The following MSRA variants were observed in gnomAD, a reference collection of about 807,000 sequenced individuals.
MSRA encodes the protein mitochondrial peptide methionine sulfoxide reductase.
In MSRA, 54 loss-of-function variants were observed where a neutral mutation model predicts 31.3. The observed-to-expected ratio is 1.73, with a 90% confidence interval of 1.39 to 2.17. MSRA has a LOEUF of 2.17. MSRA is among the 30% of genes most tolerant of loss of function. MSRA has a pLI of 0.00. For synonymous variants in MSRA, 169 were observed against 116.5 expected (o/e 1.45, Z -2.90); for missense variants, 507 against 300.9 (o/e 1.69, Z -5.07).
intron 5 of MSRA, among the ~76,000 whole-genome samples, chr8:10,360,203 C>A (rs145819980): frequency 2.0e-3 from 306 of 152,310 alleles, no homozygotes; most frequent in African/African-American, 7.0e-3. Context: ...GTCAAAATGG[C>A]TGTCTGTGTC....
chr8:10,353,051 G>T (rs1804280914), intron 5 of MSRA, among the ~76,000 whole-genome samples: 1 of 152,108 alleles, frequency 6.6e-6, no homozygotes. Flanking sequence ...TTTGGGTAGG[G>T]GGAGAGGTGG....
chr8:10,264,125 A>C (rs7823072), intron 3 of MSRA, among the ~76,000 whole-genome samples: 1 of 152,108 alleles, frequency 6.6e-6, no homozygotes. Context: ...GATTACTCCA[A>C]AGCTTTGACT....
intron 2 of MSRA, among the ~76,000 whole-genome samples, chr8:10,226,948 C>A (rs1272907436): frequency 6.6e-6 from 1 of 152,152 alleles, no homozygotes; most frequent in Non-Finnish European, 1.5e-5. Flanking sequence ...ACTTGCCTTC[C>A]AGCAGCTGGG....
intron 1 of MSRA, among the ~76,000 whole-genome samples, chr8:10,058,577 C>G (rs1201629702): frequency 1.1e-5 from 1 of 94,030 alleles, no homozygotes; most frequent in African/African-American, 4.2e-5. Flanking sequence ...GATTATCTAC[C>G]AAATATTTAA....
At position 10,320,918 on chromosome 8, in the gene MSRA, G is replaced by T. The variant is rs180821039; in HGVS notation, c.543+929G>T. ...ATATTGGCTTAGTGCTAACCCTCAT[G>T]ACCTCGTTTAACTTAATTACCTCTG... On this transcript the variant is annotated intron_variant, in intron 5 of 5. Transcript: ENST00000317173. Among the ~76,000 whole-genome samples the T allele has an allele frequency of 4.4e-3, 670 of 152,270 alleles. 4 individuals carry two copies. Among genetic ancestry groups the T allele is most frequent in the South Asian group, 0.022 (105 of 4,828 alleles).
At chr8:10,323,089 C>CCAA (rs1321500290) in intron 5 of MSRA, among the ~76,000 whole-genome samples, 10 of 112,298 alleles carry the variant, frequency 8.9e-5, no homozygotes, top group East Asian at 5.3e-4. Flanking sequence ...GACTCCATCT[C>CCAA]AAAAAAAAAA....
chr8:10,316,570 C>G (rs1009097740), intron 4 of MSRA, among the ~76,000 whole-genome samples: 6 of 147,336 alleles, frequency 4.1e-5, no homozygotes, highest in South Asian at 2.2e-4. Flanking sequence ...CTCTCTCTCT[C>G]TCTCCTTCCT....
intron 5 of MSRA, among the ~76,000 whole-genome samples, chr8:10,394,188 C>G (rs560346373): frequency 3.3e-5 from 5 of 152,214 alleles, no homozygotes; most frequent in Admixed American, 2.0e-4. Flanking sequence ...CTTTCCAAAA[C>G]CAAAAGGGGC....
intron 5 of MSRA, among the ~76,000 whole-genome samples, chr8:10,421,916 G>C (rs1390724020): frequency 6.6e-6 from 1 of 152,208 alleles, no homozygotes; most frequent in Non-Finnish European, 1.5e-5. Flanking sequence ...AAGGAGGGCA[G>C]GATAGGCAGG....
chr8:10,301,169 G>A (rs1348848490), intron 3 of MSRA, among the ~76,000 whole-genome samples: 2 of 152,120 alleles, frequency 1.3e-5, no homozygotes, highest in African/African-American at 4.8e-5. Flanking sequence ...AAATAAATTG[G>A]CTCTTTCCCT....
At chr8:10,291,333 A>AT (rs987409293) in intron 3 of MSRA, among the ~76,000 whole-genome samples, 8 of 151,676 alleles carry the variant, frequency 5.3e-5, no homozygotes, top group Admixed American at 3.9e-4. Context: ...CTCCACCAGT[A>AT]TTTTTTTTCT....
At position 10,251,861 on chromosome 8, in the gene MSRA, TGG is replaced by T. The variant is rs386412047; in HGVS notation, c.331+6649_331+6650del. On this transcript the variant is annotated intron_variant, in intron 3 of 5. Transcript: ENST00000317173. The stretch of plus-strand genomic sequence containing the variant: ...GCACCCCTCTGAAGGGTTGACATGG[TGG>T]GGGGGGGGGGACATAGGTCATGGGG... Among the ~76,000 whole-genome samples, 741 of 140,086 alleles carry T rather than the reference TGG, an allele frequency of 5.3e-3. 11 individuals are homozygous for T. The highest frequency in any genetic ancestry group is 0.022 in the Middle Eastern group (6 of 274). The allele number at this position is 140,086 out of a possible 152,430, so 91.9% of individuals were successfully genotyped here.
chr8:10,382,358 G>A (rs936744426), intron 5 of MSRA, among the ~76,000 whole-genome samples: 11 of 152,164 alleles, frequency 7.2e-5, no homozygotes, highest in Admixed American at 7.2e-4. Flanking sequence ...CCATGATCAT[G>A]GTCTTCATCT....
chr8:10,297,757 A>G (rs772342466), intron 3 of MSRA, among the ~76,000 whole-genome samples: 2 of 152,228 alleles, frequency 1.3e-5, no homozygotes, highest in African/African-American at 2.4e-5. Context: ...CTTTTAAACA[A>G]CCAAGCTTCT....
chr8:10,088,457 A>G (rs1414828739), intron 1 of MSRA, among the ~76,000 whole-genome samples: 1 of 152,112 alleles, frequency 6.6e-6, no homozygotes, highest in African/African-American at 2.4e-5. Flanking sequence ...GGAACTGGCC[A>G]GGCGTGGTGG....
chr8:10,113,895 C>A (rs1007353494), intron 1 of MSRA, among the ~76,000 whole-genome samples: 2 of 152,076 alleles, frequency 1.3e-5, no homozygotes, highest in Non-Finnish European at 2.9e-5. Flanking sequence ...TGGCCATCAC[C>A]ACTGTCTAAT....
At chr8:10,400,463 A>G (rs184861610) in intron 5 of MSRA, among the ~76,000 whole-genome samples, 7 of 152,238 alleles carry the variant, frequency 4.6e-5, no homozygotes, top group Middle Eastern at 3.4e-3. Context: ...TTGACTCCCC[A>G]TGTGACTGCT....
At chr8:10,155,134 A>T (rs1356727832) in intron 1 of MSRA, among the ~76,000 whole-genome samples, 2 of 152,050 alleles carry the variant, frequency 1.3e-5, no homozygotes, top group African/African-American at 4.8e-5. Flanking sequence ...TACTCACACC[A>T]CATATAGTCT....
chr8:10,389,245 G>A (rs188414270), intron 5 of MSRA, among the ~76,000 whole-genome samples: 1 of 152,252 alleles, frequency 6.6e-6, no homozygotes, highest in East Asian at 1.9e-4. Flanking sequence ...GAAATAAGCT[G>A]TAGCCAGGCT....
Sources: allele counts gnomAD v4.1 joint callset (sites outside exome capture counted in the v4.1 genomes callset), GRCh38; gene constraint gnomAD v4.1.1; transcripts MANE v1.5; gene names NCBI Gene and HGNC (gene_info 2026-07-23, HGNC 2026-07-21).